Variants in SLC4A5 observed in about 807,000 individuals in gnomAD.
The protein encoded by SLC4A5 is electrogenic sodium bicarbonate cotransporter 4.
In SLC4A5, 96 loss-of-function variants were observed where a neutral mutation model predicts 120.4. The ratio of observed to expected loss-of-function variants is 0.80; its 90% CI spans 0.68 to 0.94. The LOEUF (loss-of-function observed/expected upper bound fraction) is 0.94, where lower values mean the gene tolerates loss of function less well. SLC4A5 is among the 40% of genes least tolerant of loss of function. The pLI, the probability that SLC4A5 is intolerant of heterozygous loss-of-function variation, is 0.00. For synonymous variants in SLC4A5, 550 were observed against 571.1 expected, an observed-to-expected ratio of 0.96 and a Z score of 0.53; for missense variants, 1,259 against 1,459.5, an observed-to-expected ratio of 0.86 and a Z score of 2.24.
intron 7 of SLC4A5, among the ~76,000 whole-genome samples, chr2:74,299,052 T>C (rs1672404793): frequency 6.6e-6 from 1 of 152,176 alleles, no homozygotes; most frequent in Admixed American, 6.5e-5. Context: ...CATGTTCTCA[T>C]GATAGTGAAT....
Position 74,293,783 on chromosome 2 carries a change from T to C in SLC4A5, c.272-7881A>G, listed in dbSNP as rs1406964045. Among the ~76,000 whole-genome samples, 5 of 152,224 alleles carry C rather than the reference T, an allele frequency of 3.3e-5. No individual in the cohort carries two copies. The South Asian group carries it at 8.3e-4, about 25-fold the overall frequency. ...AGCCAGTTCAAATAGGTTTCTGGCA[T>C]TGTGATAAAATTACCTTCTTAATCA... On this transcript the variant is annotated intron_variant, in intron 7 of 30. Transcript: ENST00000394019.
intron 29 of SLC4A5, 60 bp from the exon 30 acceptor site, chr2:74,221,561 GC>G (rs1694648291): frequency 6.5e-7 from 1 of 1,527,890 alleles, no homozygotes; most frequent in Non-Finnish European, 9.1e-7. Context: ...ATTTCTCCGG[GC>G]TTCCCCCACC....
intron 7 of SLC4A5, among the ~76,000 whole-genome samples, chr2:74,301,889 T>A (rs959500686): frequency 6.6e-6 from 1 of 152,186 alleles, no homozygotes; most frequent in Admixed American, 6.5e-5. Context: ...GGAACTGGGG[T>A]CTGGAATGTA....
chr2:74,234,373 G>A (rs1432275227), intron 22 of SLC4A5, among the ~76,000 whole-genome samples: 1 of 152,112 alleles, frequency 6.6e-6, no homozygotes, highest in Admixed American at 6.5e-5. Flanking sequence ...TAGAGATGGG[G>A]TTTCACCGTT....
intron 19 of SLC4A5, among the ~76,000 whole-genome samples, chr2:74,244,813 T>C (rs752151155): frequency 3.9e-5 from 6 of 152,158 alleles, no homozygotes; most frequent in African/African-American, 4.8e-5. Flanking sequence ...AGTTCCCTGA[T>C]GCTGCTGGTC....
At chr2:74,312,453 C>T (rs948533173) in intron 6 of SLC4A5, among the ~76,000 whole-genome samples, 4 of 152,056 alleles carry the variant, frequency 2.6e-5, no homozygotes, top group African/African-American at 9.7e-5. Flanking sequence ...TGGTCTCAAA[C>T]TCTTGACCTC....
intron 11 of SLC4A5, 126 bp from the exon 12 acceptor site, chr2:74,259,769 T>A: frequency 1.2e-6 from 1 of 840,322 alleles, no homozygotes; most frequent in Non-Finnish European, 2.0e-6. Flanking sequence ...CCCTTAATCC[T>A]GCAGTCCCCT....
chr2:74,329,907 G>A (rs552796650), intron 4 of SLC4A5, among the ~76,000 whole-genome samples: 2 of 151,778 alleles, frequency 1.3e-5, no homozygotes, highest in African/African-American at 4.8e-5. Flanking sequence ...GATGTAGATG[G>A]AGGTGGTAAG....
At chr2:74,339,216 T>C (rs1290737821) in intron 2 of SLC4A5, 1 of 152,206 alleles carries the variant, frequency 6.6e-6, no homozygotes. Context: ...AATGGTGCTA[T>C]GGAATGATTT....
At chr2:74,253,054 C>G (rs765220119) in exon 15 of SLC4A5, 1 of 1,614,170 alleles carries the variant, frequency 6.2e-7, no homozygotes, top group Non-Finnish European at 8.5e-7. Context: ...GGACGATGAC[C>G]TCATCCAGAA....
rs1670928069 is a variant in SLC4A5 at position 74,255,335 on chromosome 2, C to T, written c.1025+440G>A. Among the ~76,000 whole-genome samples, 2 of 152,104 alleles carry T rather than the reference C, an allele frequency of 1.3e-5. No individual in the cohort carries two copies. The highest frequency in any genetic ancestry group is 2.1e-4 in the South Asian group (1 of 4,830). ...TGAGACGCAGTCTTGCTCTGTTGCC[C>T]AGGCTGGGGTGCAATAGCATGATCT... On this transcript the variant is annotated intron_variant, in intron 13 of 30. Transcript: ENST00000394019. This position sits in a 1 kb window ranked among gnomAD's most constrained non-coding sequence, Gnocchi z 4.0.
intron 8 of SLC4A5, among the ~76,000 whole-genome samples, chr2:74,275,826 T>C (rs974089891): frequency 6.6e-6 from 1 of 152,230 alleles, no homozygotes; most frequent in Non-Finnish European, 1.5e-5. Context: ...TATTTCATTG[T>C]ACAGGTGAGG....
intron 10 of SLC4A5, 92 bp from the exon 11 acceptor site, chr2:74,262,324 G>A: frequency 1.1e-6 from 1 of 903,746 alleles, no homozygotes; most frequent in Non-Finnish European, 1.7e-6. Flanking sequence ...AATAAAACTG[G>A]GTGGCAAGAC....
intron 7 of SLC4A5, chr2:74,290,849 G>T: frequency 1.3e-6 from 1 of 753,318 alleles, no homozygotes; most frequent in Non-Finnish European, 1.6e-6. Flanking sequence ...TGCTTCCTAT[G>T]TGCCTGTGGT....
At chr2:74,232,362 G>A in intron 24 of SLC4A5, 107 bp downstream of exon 24, 2 of 1,327,658 alleles carry the variant, frequency 1.5e-6, no homozygotes, top group East Asian at 2.3e-5. Flanking sequence ...GGCCGTCAGA[G>A]CGGGGGCCCT....
At chr2:74,240,070 G>A (rs923127114) in intron 20 of SLC4A5, among the ~76,000 whole-genome samples, 1 of 149,306 alleles carries the variant, frequency 6.7e-6, no homozygotes, top group Non-Finnish European at 1.5e-5. Flanking sequence ...AATGTGTACT[G>A]TGAGACACAC....
intron 6 of SLC4A5, among the ~76,000 whole-genome samples, chr2:74,306,207 A>G (rs1204633440): frequency 6.6e-6 from 1 of 152,224 alleles, no homozygotes. Flanking sequence ...GAGCATGACC[A>G]TAAGCCACAA....
At chr2:74,309,489 A>G (rs1446623690) in intron 6 of SLC4A5, among the ~76,000 whole-genome samples, 1 of 152,042 alleles carries the variant, frequency 6.6e-6, no homozygotes, top group Non-Finnish European at 1.5e-5. Flanking sequence ...TTTCAGTGTT[A>G]TGTTGTCTAT....
chr2:74,331,506 T>C (rs902362092), intron 4 of SLC4A5, among the ~76,000 whole-genome samples: 4 of 151,838 alleles, frequency 2.6e-5, no homozygotes, highest in Non-Finnish European at 5.9e-5. Context: ...GTTGTTGCTA[T>C]TATGCTGATA....
Sources: gnomAD v4.1 joint callset for allele counts (sites outside exome capture counted in the v4.1 genomes callset) on GRCh38, gnomAD v4.1.1 for gene constraint, Gnocchi (gnomAD v3.1) non-coding constraint, MANE v1.5 for transcripts, NCBI Gene and HGNC (gene_info 2026-07-23, HGNC 2026-07-21) for gene names.